Variants in ZC3H3 observed in about 807,000 individuals in gnomAD.
The protein encoded by ZC3H3 is zinc finger CCCH-type containing 3, also known as zinc finger CCCH domain-containing protein 3.
In ZC3H3, 36 loss-of-function variants were observed where a neutral mutation model predicts 77.3. The ratio of observed to expected loss-of-function variants is 0.47; its 90% CI spans 0.36 to 0.61. ZC3H3 has a LOEUF of 0.61. Among genes scored for constraint, ZC3H3 ranks in the 20% least tolerant of loss-of-function variants. ZC3H3 has a pLI of 0.00. For synonymous variants in ZC3H3, 626 were observed against 555.2 expected (o/e 1.13, Z -1.79); for missense variants, 1,331 against 1,312.2 (o/e 1.01, Z -0.22).
chr8:143,511,693 G>A (rs1164366791), intron 3 of ZC3H3, among the ~76,000 whole-genome samples: 1 of 152,208 alleles, frequency 6.6e-6, no homozygotes, highest in Non-Finnish European at 1.5e-5. Flanking sequence ...CGTGCCCCAG[G>A]CCAGCATCCA....
intron 4 of ZC3H3, among the ~76,000 whole-genome samples, chr8:143,498,698 C>T (rs767043232): frequency 1.1e-4 from 14 of 122,210 alleles, no homozygotes; most frequent in Non-Finnish European, 1.9e-4. Context: ...GGATGGGAAC[C>T]GGGGGCAGAG....
intron 5 of ZC3H3, among the ~76,000 whole-genome samples, chr8:143,472,020 G>A (rs572645948): frequency 1.1e-4 from 16 of 152,110 alleles, no homozygotes; most frequent in South Asian, 6.2e-4. Context: ...TGCCACAGTC[G>A]CCACCAAGGC....
chr8:143,461,671 C>T (rs979486709), intron 9 of ZC3H3, among the ~76,000 whole-genome samples: 5 of 152,090 alleles, frequency 3.3e-5, no homozygotes, highest in Middle Eastern at 3.2e-3. Context: ...ACGGGTGCAG[C>T]GCTGAGGTGC....
chr8:143,464,196 C>T (rs990209110), intron 9 of ZC3H3, among the ~76,000 whole-genome samples: 6 of 152,258 alleles, frequency 3.9e-5, no homozygotes, highest in South Asian at 2.1e-4. Context: ...GCGGGCGCCG[C>T]GGCGCGGACA....
rs534368485 is a variant in ZC3H3 at position 143,447,061 on chromosome 8, G to A, written c.2308-5941C>T. ...CAGGGACTGGGCCAGGCTCCACGGC[G>A]CTCTCTTCCTTGGCCAAGAGCAGGC... On this transcript the variant is annotated intron_variant, in intron 9 of 11. Transcript: ENST00000262577. 7.9e-5 allele frequency among the ~76,000 whole-genome samples: 12 copies of A among 152,352 alleles called. No individual in the cohort carries two copies. The South Asian group carries it at 1.9e-3, about 24-fold the overall frequency.
chr8:143,488,963 C>A (rs927458368), intron 4 of ZC3H3, among the ~76,000 whole-genome samples: 1 of 152,248 alleles, frequency 6.6e-6, no homozygotes, highest in African/African-American at 2.4e-5. Flanking sequence ...CATGTTTCTG[C>A]CCGTGGCTGC....
At chr8:143,504,078 C>G (rs542853392) in intron 4 of ZC3H3, among the ~76,000 whole-genome samples, 21 of 147,116 alleles carry the variant, frequency 1.4e-4, no homozygotes, top group African/African-American at 5.1e-4. Context: ...CTCCTTCCCT[C>G]GGGCTGCAGG....
chr8:143,534,418 G>A (rs1037857613), intron 3 of ZC3H3, among the ~76,000 whole-genome samples: 1 of 152,052 alleles, frequency 6.6e-6, no homozygotes, highest in Non-Finnish European at 1.5e-5. Context: ...TTCCTGGCAG[G>A]AGTCCGGGGG....
chr8:143,486,789 A>G (rs1032989235), intron 4 of ZC3H3, among the ~76,000 whole-genome samples: 74 of 149,178 alleles, frequency 5.0e-4, no homozygotes, highest in Non-Finnish European at 8.9e-4. Context: ...ACAGAACAGC[A>G]CCCGCTACAC....
chr8:143,463,419 C>T (rs1167284007), intron 9 of ZC3H3, among the ~76,000 whole-genome samples: 6 of 152,182 alleles, frequency 3.9e-5, no homozygotes, highest in Admixed American at 3.9e-4. Flanking sequence ...AGGGCAGGAG[C>T]CCTGGCAGGG....
At chr8:143,452,030 C>A (rs555482977) in intron 9 of ZC3H3, among the ~76,000 whole-genome samples, 8 of 152,284 alleles carry the variant, frequency 5.3e-5, no homozygotes, top group African/African-American at 1.7e-4. Flanking sequence ...AAGCCACAGC[C>A]CAGAAATGCC....
At chr8:143,472,099 G>C (rs1014578042) in intron 5 of ZC3H3, among the ~76,000 whole-genome samples, 3 of 152,362 alleles carry the variant, frequency 2.0e-5, no homozygotes, top group African/African-American at 7.2e-5. Flanking sequence ...GGCAGGGGTG[G>C]GAGCAAGGAG....
At chr8:143,461,401 C>G (rs1820258432) in intron 9 of ZC3H3, among the ~76,000 whole-genome samples, 1 of 152,086 alleles carries the variant, frequency 6.6e-6, no homozygotes, top group Non-Finnish European at 1.5e-5. Context: ...TCGCTGCCGG[C>G]AGGAGTGTCA....
intron 9 of ZC3H3, among the ~76,000 whole-genome samples, chr8:143,454,095 T>C (rs1253245029): frequency 9.1e-5 from 10 of 109,712 alleles, no homozygotes; most frequent in South Asian, 2.8e-4. Context: ...TTTTTTTTTT[T>C]CCCAGATGGA....
chr8:143,464,102 G>A (rs1470023231), intron 9 of ZC3H3, among the ~76,000 whole-genome samples: 1 of 152,224 alleles, frequency 6.6e-6, no homozygotes, highest in Non-Finnish European at 1.5e-5. Context: ...ATTAACCCTC[G>A]CAGGCCCGGG....
intron 9 of ZC3H3, among the ~76,000 whole-genome samples, chr8:143,463,672 C>T (rs1208478234): frequency 2.0e-5 from 3 of 152,202 alleles, no homozygotes; most frequent in South Asian, 4.1e-4. Context: ...AAGGATGGAG[C>T]GAGCGCCTGA....
chr8:143,460,039 G>A lies in ZC3H3; in HGVS notation c.2307+5678C>T, dbSNP rs561804426. Among the ~76,000 whole-genome samples the A allele has an allele frequency of 5.3e-5, 8 of 152,208 alleles. No individual in the cohort carries two copies. The highest frequency in any genetic ancestry group is 1.7e-4 in the African/African-American group (7 of 41,520). On this transcript the variant is annotated intron_variant, in intron 9 of 11. Coordinates refer to ENST00000262577, the MANE Select transcript of ZC3H3 (RefSeq NM_015117.3). The surrounding 1 kb of genome is among the most constrained non-coding windows in gnomAD (Gnocchi z 4.0). ...AGGCAGGCGGATCATCTGAGGTCAC[G>A]AGTTTGAGACCAGCCTGGCCCCATG...
chr8:143,515,678 G>A (rs1043249806), intron 3 of ZC3H3, among the ~76,000 whole-genome samples: 6 of 152,198 alleles, frequency 3.9e-5, no homozygotes, highest in South Asian at 2.1e-4. Context: ...CACATCAGCT[G>A]AGGGCACCTC....
chr8:143,444,203 T>C (rs1203662907), intron 9 of ZC3H3, among the ~76,000 whole-genome samples: 2 of 152,152 alleles, frequency 1.3e-5, no homozygotes, highest in African/African-American at 4.8e-5. Context: ...CTTGTTCTCC[T>C]GACCTTGTGA....
Sources: gnomAD v4.1 joint callset for allele counts (sites outside exome capture counted in the v4.1 genomes callset) on GRCh38, gnomAD v4.1.1 for gene constraint, Gnocchi (gnomAD v3.1) non-coding constraint, MANE v1.5 for transcripts, NCBI Gene and HGNC (gene_info 2026-07-23, HGNC 2026-07-21) for gene names.